Variants in EEA1 observed in about 807,000 individuals in gnomAD.
The protein encoded by EEA1 is early endosome antigen 1, 162kD.
Under a neutral mutation model 209.2 loss-of-function variants are expected in EEA1, and 111 were observed. The observed-to-expected ratio is 0.53, with a 90% CI of 0.45 to 0.62. The LOEUF (loss-of-function observed/expected upper bound fraction) is 0.62. Among genes scored for constraint, EEA1 ranks in the 20% least tolerant of loss-of-function variants. The pLI is 0.00. For missense variants in EEA1, 1,343 were observed against 1,530.8 expected (o/e 0.88, Z 2.05); for synonymous variants, 536 against 540.6 (o/e 0.99, Z 0.12).
chr12:92,914,238 C>G (rs1349035801), intron 1 of EEA1, among the ~76,000 whole-genome samples: 1 of 151,996 alleles, frequency 6.6e-6, no homozygotes, highest in African/African-American at 2.4e-5. Flanking sequence ...AGATCCCAGG[C>G]CCATAATCAG....
At chr12:92,884,333 G>C (rs1879289229) in intron 2 of EEA1, 1 of 1,272,572 alleles carries the variant, frequency 7.9e-7, no homozygotes, top group Non-Finnish European at 1.1e-6. Flanking sequence ...GATGGCTAGG[G>C]CTTTATCCAG....
chr12:92,912,187 C>T (rs1287305187), intron 1 of EEA1, among the ~76,000 whole-genome samples: 2 of 152,120 alleles, frequency 1.3e-5, no homozygotes, highest in Admixed American at 6.5e-5. Flanking sequence ...GACTACGTCC[C>T]TTATTTATAT....
chr12:92,866,646 G>A (rs765249803), intron 2 of EEA1, among the ~76,000 whole-genome samples: 2 of 151,970 alleles, frequency 1.3e-5, no homozygotes, highest in Non-Finnish European at 2.9e-5. Flanking sequence ...CAATGCAATG[G>A]TTTTAGCTAT....
At chr12:92,881,872 C>T (rs1461454538) in intron 2 of EEA1, among the ~76,000 whole-genome samples, 1 of 152,158 alleles carries the variant, frequency 6.6e-6, no homozygotes, top group African/African-American at 2.4e-5. Flanking sequence ...TCGAACACCG[C>T]AAGTTTGAAC....
At chr12:92,912,485 T>C (rs778455128) in intron 1 of EEA1, among the ~76,000 whole-genome samples, 17 of 152,214 alleles carry the variant, frequency 1.1e-4, no homozygotes, top group Non-Finnish European at 2.1e-4. Context: ...CAGACTAGCC[T>C]TAGACACATG....
intron 11 of EEA1, among the ~76,000 whole-genome samples, chr12:92,828,854 A>G (rs1876459915): frequency 6.6e-6 from 1 of 151,960 alleles, no homozygotes; most frequent in Admixed American, 6.6e-5. Flanking sequence ...GTCAAAACCT[A>G]TCCGATATTC....
In EEA1 at chr12:92,772,859, T is replaced by C. The variant is rs138642723; in HGVS notation, c.*3152A>G. Reference sequence around the variant, plus strand: ...ACAGAATGTCATATACACAACTGCATTGTGTTACAATAAATTTATTACTTC... The same window carrying C: ...ACAGAATGTCATATACACAACTGCACTGTGTTACAATAAATTTATTACTTC... On this transcript the variant is annotated 3_prime_UTR_variant, in exon 29 of 29. Coordinates refer to ENST00000322349, the MANE Select transcript of EEA1 (RefSeq NM_003566.4). 9.8e-5 allele frequency: 15 copies of C among 152,438 alleles called. No homozygotes were observed. Among genetic ancestry groups the C allele is most frequent in the South Asian group, 4.1e-4 (2 of 4,828 alleles). 9.4% of individuals were successfully genotyped at this position (152,438 alleles called of 1,614,324 possible). A position where few individuals can be genotyped will look rare whatever the true frequency, so the allele number is the denominator to read the frequency against.
chr12:92,882,868 T>C (rs926977136), intron 2 of EEA1, among the ~76,000 whole-genome samples: 15 of 152,222 alleles, frequency 9.9e-5, no homozygotes, highest in African/African-American at 2.9e-4. Flanking sequence ...TTGTGAATAG[T>C]GCTGTAATGA....
intron 1 of EEA1, among the ~76,000 whole-genome samples, chr12:92,906,911 T>C (rs779415552): frequency 6.6e-6 from 1 of 152,178 alleles, no homozygotes; most frequent in African/African-American, 2.4e-5. Context: ...AGAAAGATTT[T>C]CACAAAAAGT....
chr12:92,798,481 C>T (rs2136664017), intron 21 of EEA1, among the ~76,000 whole-genome samples: 1 of 152,076 alleles, frequency 6.6e-6, no homozygotes, highest in African/African-American at 2.4e-5. Flanking sequence ...ACCACCACGC[C>T]CAGCTAATTT....
At chr12:92,917,659 A>G (rs542139412) in intron 1 of EEA1, among the ~76,000 whole-genome samples, 1 of 151,710 alleles carries the variant, frequency 6.6e-6, no homozygotes, top group South Asian at 2.1e-4. Flanking sequence ...TGTAAAGACC[A>G]TCGAGACTAG....
intron 13 of EEA1, among the ~76,000 whole-genome samples, chr12:92,820,774 T>C (rs77561287): frequency 0.014 from 847 of 61,948 alleles, 7 homozygotes; most frequent in African/African-American, 0.033. Flanking sequence ...TATATATATA[T>C]ACACACACAC....
At chr12:92,856,472 T>C (rs1281918220) in intron 5 of EEA1, among the ~76,000 whole-genome samples, 1 of 152,190 alleles carries the variant, frequency 6.6e-6, no homozygotes, top group Non-Finnish European at 1.5e-5. Context: ...TGTGTGTGCA[T>C]GTATGTACAA....
At chr12:92,836,779 A>T (rs1876946209) in intron 10 of EEA1, among the ~76,000 whole-genome samples, 1 of 152,166 alleles carries the variant, frequency 6.6e-6, no homozygotes, top group Non-Finnish European at 1.5e-5. Flanking sequence ...AATTAGGAAA[A>T]CTCTCACCTT....
At chr12:92,809,555 C>A (rs1214249855) in intron 17 of EEA1, among the ~76,000 whole-genome samples, 1 of 140,914 alleles carries the variant, frequency 7.1e-6, no homozygotes, top group African/African-American at 2.6e-5. Context: ...ATTAGCCAGG[C>A]GTGGTGGCCG....
intron 1 of EEA1, among the ~76,000 whole-genome samples, chr12:92,918,843 C>A (rs1324606842): frequency 1.5e-5 from 2 of 132,642 alleles, no homozygotes; most frequent in Admixed American, 1.5e-4. Flanking sequence ...ATTGATAGAC[C>A]GCTAGCAAGA....
intron 10 of EEA1, chr12:92,835,274 A>G (rs1472799618): frequency 4.6e-6 from 1 of 218,014 alleles, no homozygotes; most frequent in Admixed American, 5.5e-5. Context: ...GATGGAACAT[A>G]CCTTTTAAAA....
At chr12:92,842,170 G>A (rs982572871) in intron 10 of EEA1, among the ~76,000 whole-genome samples, 1 of 152,028 alleles carries the variant, frequency 6.6e-6, no homozygotes, top group Non-Finnish European at 1.5e-5. Context: ...ATACTGTATG[G>A]TTCTATTTAT....
chr12:92,890,977 A>C (rs1248292058), intron 2 of EEA1, among the ~76,000 whole-genome samples: 1 of 152,158 alleles, frequency 6.6e-6, no homozygotes, highest in Non-Finnish European at 1.5e-5. Context: ...ACTGACAAAA[A>C]CTATCAGAGC....
Sources: gnomAD v4.1 joint callset for allele counts (sites outside exome capture counted in the v4.1 genomes callset) on GRCh38, gnomAD v4.1.1 for gene constraint, MANE v1.5 for transcripts, NCBI Gene and HGNC (gene_info 2026-07-23, HGNC 2026-07-21) for gene names.